The following SAMMSON variants were observed in gnomAD, a reference collection of about 807,000 sequenced individuals.
SAMMSON encodes the protein survival associated mitochondrial melanoma specific oncogenic non-coding RNA.
intron 4 of SAMMSON, among the ~76,000 whole-genome samples, chr3:70,078,111 T>A (rs1387967624): frequency 6.6e-6 from 1 of 152,092 alleles, no homozygotes; most frequent in Admixed American, 6.6e-5. Context: ...ATTTAGAAGA[T>A]GGGGGTGGGG....
At chr3:70,387,056 T>C (rs1208386167) in intron 9 of SAMMSON, among the ~76,000 whole-genome samples, 2 of 152,016 alleles carry the variant, frequency 1.3e-5, no homozygotes, top group Non-Finnish European at 2.9e-5. Context: ...TTATAGATTT[T>C]CTGGAAACAA....
intron 3 of SAMMSON, among the ~76,000 whole-genome samples, chr3:70,029,410 C>T (rs1405023161): frequency 6.6e-6 from 1 of 152,130 alleles, no homozygotes; most frequent in Non-Finnish European, 1.5e-5. Flanking sequence ...TAGAATAGTG[C>T]TTCTAAACCT....
intron 9 of SAMMSON, among the ~76,000 whole-genome samples, chr3:70,376,672 T>C (rs1452640911): frequency 6.6e-6 from 1 of 152,150 alleles, no homozygotes; most frequent in Non-Finnish European, 1.5e-5. Flanking sequence ...AGCATTTACA[T>C]ACTTTTCTCA....
At chr3:70,265,707 T>C (rs566587828) in intron 6 of SAMMSON, among the ~76,000 whole-genome samples, 4 of 152,348 alleles carry the variant, frequency 2.6e-5, no homozygotes, top group Non-Finnish European at 4.4e-5. Flanking sequence ...TGCCTGAGAA[T>C]GGGCAATTTA....
intron 4 of SAMMSON, among the ~76,000 whole-genome samples, chr3:70,190,833 A>G (rs1701126778): frequency 6.6e-6 from 1 of 152,126 alleles, no homozygotes; most frequent in Non-Finnish European, 1.5e-5. Flanking sequence ...GGGCAGTTTT[A>G]CAAACTCACT....
chr3:70,114,355 G>T (rs1259488093), intron 4 of SAMMSON, among the ~76,000 whole-genome samples: 1 of 152,182 alleles, frequency 6.6e-6, no homozygotes, highest in Non-Finnish European at 1.5e-5. Context: ...TTGACTTCCG[G>T]TAGAAAATAT....
At position 70,159,146 on chromosome 3, in the gene SAMMSON, G is replaced by A. The variant is rs549602268; in HGVS notation, n.507+87581G>A. Among the ~76,000 whole-genome samples, 6 of 151,770 alleles carry A rather than the reference G, an allele frequency of 4.0e-5. No homozygotes were observed. In the South Asian group the frequency reaches 1.2e-3, roughly 32 times the overall value. On this transcript the variant is annotated intron_variant and non_coding_transcript_variant, in intron 4 of 9. Coordinates refer to ENST00000642114, the Ensembl canonical transcript of SAMMSON. ...ATACCCAAAATATATTTTCATACAT[G>A]TAAGGTTTTTATCTTTTCCTTTTAC... is the stretch of plus-strand genomic sequence containing the variant.
At chr3:70,222,607 A>G (rs1701471069) in intron 4 of SAMMSON, among the ~76,000 whole-genome samples, 1 of 152,148 alleles carries the variant, frequency 6.6e-6, no homozygotes, top group Non-Finnish European at 1.5e-5. Context: ...TAGAAATTCC[A>G]AAAGAATAAT....
At chr3:70,126,468 A>G (rs1245462502) in intron 4 of SAMMSON, 1 of 661,778 alleles carries the variant, frequency 1.5e-6, no homozygotes, top group African/African-American at 1.8e-5. Context: ...GCCTTGAAGT[A>G]CTTCAGCAAG....
chr3:70,023,797 A>T (rs1353128260), intron 3 of SAMMSON, among the ~76,000 whole-genome samples: 1 of 152,194 alleles, frequency 6.6e-6, no homozygotes, highest in Non-Finnish European at 1.5e-5. Context: ...GTATTCCAAT[A>T]AAACTTTATT....
chr3:70,405,753 G>C (rs1201659361), intron 2 of SAMMSON, among the ~76,000 whole-genome samples: 1 of 152,146 alleles, frequency 6.6e-6, no homozygotes, highest in Non-Finnish European at 1.5e-5. Context: ...GGAAGGAGAG[G>C]GTAGAGTAGA....
In SAMMSON at chr3:70,147,182, G is replaced by A. The variant is rs75085376; in HGVS notation, n.507+75617G>A. On this transcript the variant is annotated intron_variant and non_coding_transcript_variant, in intron 4 of 9. Coordinates refer to ENST00000642114, the Ensembl canonical transcript of SAMMSON. ...GAAATAAAAAATGAACTAAATAAAT[G>A]GAGCTACATCTGGTGTTCATGAATT... Among the ~76,000 whole-genome samples the A allele has an allele frequency of 3.4e-3, 512 of 152,040 alleles. 4 individuals carry two copies. The highest frequency in any genetic ancestry group is 0.017 in the South Asian group (83 of 4,826).
intron 2 of SAMMSON, among the ~76,000 whole-genome samples, chr3:70,428,181 T>G (rs1230126910): frequency 1.3e-5 from 2 of 152,192 alleles, no homozygotes; most frequent in African/African-American, 4.8e-5. Flanking sequence ...CTCTCCAAAT[T>G]GATCTAAAGA....
intron 4 of SAMMSON, chr3:70,075,371 A>G (rs1255314466): frequency 6.6e-6 from 1 of 152,140 alleles, no homozygotes; most frequent in Non-Finnish European, 1.5e-5. Flanking sequence ...ACAAAATAAA[A>G]CAAAATCTCT....
intron 4 of SAMMSON, among the ~76,000 whole-genome samples, chr3:70,132,790 G>GAA (rs10561210): frequency 1.4e-5 from 2 of 138,246 alleles, no homozygotes; most frequent in Non-Finnish European, 3.1e-5. Context: ...AAAAAGAAAA[G>GAA]AAAAAAAAAA....
intron 6 of SAMMSON, among the ~76,000 whole-genome samples, chr3:70,267,472 C>G (rs991285879): frequency 6.9e-6 from 1 of 144,696 alleles, no homozygotes; most frequent in Non-Finnish European, 1.5e-5. Flanking sequence ...GCGCGATCTC[C>G]GCTCACTGCA....
intron 1 of SAMMSON, among the ~76,000 whole-genome samples, chr3:70,005,876 A>T (rs1258205264): frequency 6.6e-6 from 1 of 152,224 alleles, no homozygotes; most frequent in African/African-American, 2.4e-5. Flanking sequence ...TAAAGATAGA[A>T]CAGACTTGTT....
intron 9 of SAMMSON, among the ~76,000 whole-genome samples, chr3:70,383,333 C>A: frequency 7.9e-6 from 1 of 127,024 alleles, no homozygotes; most frequent in South Asian, 2.4e-4. Flanking sequence ...AATTGTTTTC[C>A]CTTAAAATAA....
At position 70,418,920 on chromosome 3, in the gene SAMMSON, C is replaced by CTTTCCTTTCCTTTCCTTTCA. The variant is rs1553664127; in HGVS notation, n.234-43621_234-43620insATTTCCTTTCCTTTCCTTTC. On this transcript the variant is annotated intron_variant and non_coding_transcript_variant, in intron 2 of 3. Coordinates refer to the SAMMSON transcript ENST00000641053. ...AATCCAAGGGTTTGATGTTTGCTTT[C>CTTTCCTTTCCTTTCCTTTCA]TTTCCTTTCCTTTCCTTTCCTTTCC... Among the ~76,000 whole-genome samples, 20 of 31,524 alleles carry CTTTCCTTTCCTTTCCTTTCA rather than the reference C, an allele frequency of 6.3e-4. 1 individual carries two copies. The highest frequency in any genetic ancestry group is 2.7e-3 in the African/African-American group (20 of 7,352). The allele number at this position is 31,524 out of a possible 152,430, so 20.7% of individuals were successfully genotyped here.
Sources: gnomAD v4.1 joint callset for allele counts (sites outside exome capture counted in the v4.1 genomes callset) on GRCh38, gnomAD v4.1.1 for gene constraint, MANE v1.5 for transcripts, NCBI Gene and HGNC (gene_info 2026-07-23, HGNC 2026-07-21) for gene names.